KSR2: variants seen among roughly 807,000 people sequenced by gnomAD.
KSR2 encodes kinase suppressor of ras 2.
In KSR2, 25 loss-of-function variants were observed where a neutral mutation model predicts 107.8. That is an observed-to-expected ratio of 0.23 (90% CI 0.17 to 0.32). The LOEUF (loss-of-function observed/expected upper bound fraction) is 0.32, where lower values mean the gene tolerates loss of function less well. KSR2 is among the 10% of genes least tolerant of loss of function. The probability of loss-of-function intolerance (pLI) is 1.00; values close to 1 mark genes in which losing one functional copy is unlikely to be tolerated. For synonymous variants in KSR2, 480 were observed against 507.0 expected (o/e 0.95, Z 0.71); for missense variants, 887 against 1,268.9 (o/e 0.70, Z 4.57).
At chr12:117,499,400 G>A (rs759392622) in intron 14 of KSR2, among the ~76,000 whole-genome samples, 3 of 151,890 alleles carry the variant, frequency 2.0e-5, no homozygotes, top group Non-Finnish European at 4.4e-5. Flanking sequence ...TTTGTAAATC[G>A]AGAAAAAAGG....
At chr12:117,698,952 A>G (rs1886188083) in intron 4 of KSR2, among the ~76,000 whole-genome samples, 1 of 151,984 alleles carries the variant, frequency 6.6e-6, no homozygotes, top group African/African-American at 2.4e-5. Context: ...TTGCTCCACC[A>G]CTTCATTCTC....
At chr12:117,658,097 T>C (rs1252784885) in intron 5 of KSR2, among the ~76,000 whole-genome samples, 2 of 152,150 alleles carry the variant, frequency 1.3e-5, no homozygotes, top group Non-Finnish European at 2.9e-5. Context: ...AGAGAGAGCA[T>C]AGTTCAGTGA....
At chr12:117,925,104 G>T (rs940783856) in intron 1 of KSR2, among the ~76,000 whole-genome samples, 1 of 151,414 alleles carries the variant, frequency 6.6e-6, no homozygotes, top group Non-Finnish European at 1.5e-5. Flanking sequence ...GTACAAGGAA[G>T]TTTGTTATAC....
chr12:117,547,292 C>T (rs956016000), intron 9 of KSR2, among the ~76,000 whole-genome samples: 1 of 152,164 alleles, frequency 6.6e-6, no homozygotes, highest in Non-Finnish European at 1.5e-5. Flanking sequence ...CCAGCTCCCC[C>T]ATAGACCTTT....
chr12:117,467,591 T>C (rs1871217725), intron 19 of KSR2, among the ~76,000 whole-genome samples: 1 of 152,154 alleles, frequency 6.6e-6, no homozygotes, highest in African/African-American at 2.4e-5. Flanking sequence ...CCCAGAACTT[T>C]TCCCACTTGG....
intron 15 of KSR2, 104 bp downstream of exon 15, chr12:117,485,491 T>G (rs1187205656): frequency 6.0e-6 from 5 of 828,636 alleles, no homozygotes; most frequent in Non-Finnish European, 1.0e-5. Context: ...ATTGGTAGTC[T>G]GAAATCCAAC....
rs1000499092 is a variant in KSR2 at position 117,879,945 on chromosome 12, G to C, written c.181-19514C>G. Among the ~76,000 whole-genome samples, 7 of 152,082 alleles carry C rather than the reference G, an allele frequency of 4.6e-5. No homozygotes were observed. The South Asian group carries it at 1.0e-3, about 23-fold the overall frequency. On this transcript the variant is annotated intron_variant, in intron 1 of 19. Transcript: ENST00000339824. ...GCAGATCACCTGAAGTCAGGAGTTC[G>C]AGACCAGCCTGACCAACATGGCAAA... is the stretch of plus-strand genomic sequence containing the variant.
Position 117,705,050 on chromosome 12 carries a change from G to A in KSR2, c.987-37392C>T, listed in dbSNP as rs148894758. On this transcript the variant is annotated intron_variant, in intron 4 of 19. Transcript: ENST00000339824. ...GCCAGGCCCTGGGCTAGGATATGCCGGGATATGACTATGAGCTAGGCAGGC... is the reference window on the plus strand; with the variant it reads ...GCCAGGCCCTGGGCTAGGATATGCCAGGATATGACTATGAGCTAGGCAGGC... Among the ~76,000 whole-genome samples the A allele has an allele frequency of 3.4e-3, 513 of 152,218 alleles. 6 individuals are homozygous for A. The highest frequency in any genetic ancestry group is 3.4e-3 in the Non-Finnish European group (232 of 68,018).
At chr12:117,571,980 C>G (rs185763129) in intron 7 of KSR2, among the ~76,000 whole-genome samples, 1 of 152,262 alleles carries the variant, frequency 6.6e-6, no homozygotes, top group African/African-American at 2.4e-5. Flanking sequence ...CTCCCACCCC[C>G]ATCCTATCCC....
intron 4 of KSR2, among the ~76,000 whole-genome samples, chr12:117,736,976 C>T (rs1003147078): frequency 2.0e-5 from 3 of 152,158 alleles, no homozygotes; most frequent in Non-Finnish European, 2.9e-5. Flanking sequence ...AATTAACCCT[C>T]GAAGAAACAC....
chr12:117,901,552 C>T (rs895779901), intron 1 of KSR2, among the ~76,000 whole-genome samples: 1 of 152,118 alleles, frequency 6.6e-6, no homozygotes, highest in African/African-American at 2.4e-5. Context: ...ATTGGCTTGC[C>T]TAGGCCTCCC....
At chr12:117,668,881 T>A (rs1408937757) in intron 4 of KSR2, among the ~76,000 whole-genome samples, 2 of 152,214 alleles carry the variant, frequency 1.3e-5, no homozygotes, top group Middle Eastern at 3.2e-3. Context: ...CTTTGTACAC[T>A]CTGTGCCCAG....
chr12:117,608,604 C>T (rs1239019366), intron 5 of KSR2, among the ~76,000 whole-genome samples: 1 of 151,926 alleles, frequency 6.6e-6, no homozygotes, highest in Non-Finnish European at 1.5e-5. Flanking sequence ...CATGAAAATC[C>T]TTTCATTTTC....
chr12:117,814,616 T>C (rs1891308522), intron 3 of KSR2, among the ~76,000 whole-genome samples: 1 of 152,082 alleles, frequency 6.6e-6, no homozygotes, highest in South Asian at 2.1e-4. Context: ...GGAGATCTTA[T>C]CTCCCCAAAA....
At chr12:117,963,660 G>A (rs928486917) in intron 1 of KSR2, among the ~76,000 whole-genome samples, 2 of 152,092 alleles carry the variant, frequency 1.3e-5, no homozygotes, top group Non-Finnish European at 2.9e-5. Context: ...CAAAACCTTT[G>A]AAGACTTCTA....
intron 4 of KSR2, among the ~76,000 whole-genome samples, chr12:117,692,197 A>G (rs1885844421): frequency 6.6e-6 from 1 of 152,146 alleles, no homozygotes; most frequent in African/African-American, 2.4e-5. Context: ...CAACAAGTAT[A>G]TGAAAAGATG....
At chr12:117,629,041 T>C (rs562609730) in intron 5 of KSR2, among the ~76,000 whole-genome samples, 1 of 152,370 alleles carries the variant, frequency 6.6e-6, no homozygotes, top group African/African-American at 2.4e-5. Flanking sequence ...TGTCTGCCAG[T>C]TGCTAAGACC....
intron 4 of KSR2, among the ~76,000 whole-genome samples, chr12:117,709,935 A>C (rs1424880222): frequency 6.6e-6 from 1 of 152,140 alleles, no homozygotes; most frequent in Non-Finnish European, 1.5e-5. Context: ...ATGGGAGAGG[A>C]GATACTAAGC....
rs1226221308 is a variant in KSR2, at chr12:117,952,340, G to GA, written c.180+15735dup. On this transcript the variant is annotated intron_variant, in intron 1 of 19. Coordinates refer to ENST00000339824, the MANE Select transcript of KSR2 (RefSeq NM_173598.6). ...TTGTTAAGTATGCTTCAGAAAAGCTGAAAAAATTTAATTTAAACAACTTTT... is the reference window on the plus strand; with the variant it reads ...TTGTTAAGTATGCTTCAGAAAAGCTGAAAAAAATTTAATTTAAACAACTTTT... Among the ~76,000 whole-genome samples, 6 of 152,182 alleles carry GA rather than the reference G, an allele frequency of 3.9e-5. No homozygotes were observed. The East Asian group carries it at 5.8e-4, about 15-fold the overall frequency.
Sources: gnomAD v4.1 joint callset for allele counts (sites outside exome capture counted in the v4.1 genomes callset) on GRCh38, gnomAD v4.1.1 for gene constraint, MANE v1.5 for transcripts, NCBI Gene and HGNC (gene_info 2026-07-23, HGNC 2026-07-21) for gene names.